TNK2: variants seen among roughly 807,000 people sequenced by gnomAD.
TNK2 encodes activated CDC42 kinase 1.
A neutral mutation model predicts 101.8 loss-of-function variants in TNK2; 83 were observed. The observed-to-expected ratio is 0.82, with a 90% CI of 0.68 to 0.98. The LOEUF is 0.98. Among genes scored for constraint, TNK2 ranks in the 50% least tolerant of loss-of-function variants. The pLI is 0.00. For synonymous variants in TNK2, 804 were observed against 633.0 expected (o/e 1.27, Z -4.06); for missense variants, 1,665 against 1,483.2 (o/e 1.12, Z -2.01).
At position 195,886,661 on chromosome 3, in the gene TNK2, G is replaced by A. The variant is rs182654931; in HGVS notation, c.234+316C>T. On this transcript the variant is annotated intron_variant, in intron 3 of 15. Coordinates refer to ENST00000672887, the MANE Select transcript of TNK2 (RefSeq NM_001382273.1). This position sits in a 1 kb window ranked among gnomAD's most constrained non-coding sequence, Gnocchi z 4.2. ...CCCCACGCTGGACACTGGCCCCAAC[G>A]CTCAGACACAGCAGGGCTAAGTTAA... Among the ~76,000 whole-genome samples the A allele has an allele frequency of 6.6e-6, 1 of 152,132 alleles. No individual in the cohort carries two copies. Among genetic ancestry groups the A allele is most frequent in the Admixed American group, 6.5e-5 (1 of 15,276 alleles).
rs1468532089 is a variant in TNK2 at position 195,888,212 on chromosome 3, C to T, written c.163+214G>A. ...GGGGCATGGAGTGACTCCTGTGTAG[C>T]CAGCTTTAGGGAAGGCCTCACTCTC... On this transcript the variant is annotated intron_variant, in intron 2 of 15. Coordinates refer to ENST00000672887, the MANE Select transcript of TNK2 (RefSeq NM_001382273.1). This position sits in a 1 kb window ranked among gnomAD's most constrained non-coding sequence, Gnocchi z 5.3. Among the ~76,000 whole-genome samples, 2 of 152,084 alleles carry T rather than the reference C, an allele frequency of 1.3e-5. No individual in the cohort carries two copies. Among genetic ancestry groups the T allele is most frequent in the East Asian group, 3.9e-4 (2 of 5,188 alleles).
intron 1 of TNK2, chr3:195,895,880 A>C: frequency 1.9e-5 from 3 of 154,986 alleles, no homozygotes; most frequent in South Asian, 2.0e-4. Flanking sequence ...TGCTCCCAGA[A>C]CGCCGGGCGC....
chr3:195,885,434 G>T lies in TNK2; in HGVS notation c.235-401C>A, dbSNP rs913822279. The T allele has an allele frequency of 7.5e-7, 1 of 1,328,274 alleles. No homozygotes were observed. The highest frequency in any genetic ancestry group is 9.9e-7 in the Non-Finnish European group (1 of 1,014,658). The allele number at this position is 1,328,274 out of a possible 1,614,324, so 82.3% of individuals were successfully genotyped here. On this transcript the variant is annotated intron_variant, in intron 3 of 15. Coordinates refer to ENST00000672887, the MANE Select transcript of TNK2 (RefSeq NM_001382273.1). The surrounding 1 kb of genome is among the most constrained non-coding windows in gnomAD (Gnocchi z 4.7). ...TAACCCGCATCGATGGAGCCGCAGG[G>T]GCCCTCCACAGACACCTCCTTGTCC...
chr3:195,868,761 A>G (rs13087251), intron 12 of TNK2, 52 bp from the exon 13 acceptor site: 1,115,554 of 1,497,468 alleles, frequency 0.74, 417,350 homozygotes, highest in East Asian at 0.94. Context: ...AGGGTCTGGG[A>G]CACGAGGGGA....
Position 195,882,475 on chromosome 3 carries a change from G to A in TNK2, c.610-147C>T, listed in dbSNP as rs1753609078. On this transcript the variant is annotated intron_variant, in intron 5 of 15. Transcript: ENST00000672887. This position sits in a 1 kb window ranked among gnomAD's most constrained non-coding sequence, Gnocchi z 4.2. ...TGGCCTGCTGTCTGGGGACCTCTAG[G>A]AGTCCTGCAGTTTCTCAGGCCTCTC... 6.5e-7 allele frequency: 1 copy of A among 1,545,078 alleles called. No homozygotes were observed. Among genetic ancestry groups the A allele is most frequent in the South Asian group, 1.2e-5 (1 of 83,416 alleles).
In TNK2 at chr3:195,878,652, G is replaced by A. The variant is rs1039749937; in HGVS notation, c.1015-60C>T. ...CAGAGCGCCCAGCCCTTCACTTCCC[G>A]CCTTCCCTCCAGCCCATCCACAGCT... is the stretch of plus-strand genomic sequence containing the variant. On this transcript the variant is annotated intron_variant, in intron 7 of 15. Transcript: ENST00000672887. The surrounding 1 kb of genome is among the most constrained non-coding windows in gnomAD (Gnocchi z 4.7). The A allele has an allele frequency of 2.9e-5, 45 of 1,575,386 alleles. No homozygotes were observed. The highest frequency in any genetic ancestry group is 4.6e-5 in the East Asian group (2 of 43,910).
Position 195,869,336 on chromosome 3 carries a change from G to T in TNK2, c.1588+161C>A, listed in dbSNP as rs376583721. The T allele has an allele frequency of 9.4e-4, 713 of 757,312 alleles. 12 individuals carry two copies. The African/African-American group carries it at 0.011, about 12-fold the overall frequency. The allele number at this position is 757,312 out of a possible 1,614,324, so 46.9% of individuals were successfully genotyped here. A position where few individuals can be genotyped will look rare whatever the true frequency, so the allele number is the denominator to read the frequency against. ...CCAGGCTCCGGGGGGCGGGCTCGAG[G>T]GGGGGCAGGCATGCTAGGCCAGGGC... On this transcript the variant is annotated intron_variant, in intron 12 of 15. Transcript: ENST00000672887.
chr3:195,867,912 G>T lies in TNK2; in HGVS notation c.2386C>A (p.Arg796=), dbSNP rs75030861. Residue 796 remains arginine, a synonymous_variant, in exon 13 of 16, where the codon CGG becomes AGG. Transcript: ENST00000672887. The part of the protein sequence containing the change: ...GPASPPRVPP[R]EPLSPQGSRT... Reference sequence around the variant, plus strand: ...GAGCCTTGAGGGGACAGGGGCTCCCGCGGAGGCACCCGGGGAGGGGAAGCA... The same window carrying T: ...GAGCCTTGAGGGGACAGGGGCTCCCTCGGAGGCACCCGGGGAGGGGAAGCA... The T allele has an allele frequency of 1.4e-5, 21 of 1,532,620 alleles. No individual in the cohort carries two copies. In the East Asian group the frequency reaches 4.1e-4, roughly 30 times the overall value. 94.9% of individuals were successfully genotyped at this position (1,532,620 alleles called of 1,614,324 possible). A position where few individuals can be genotyped will look rare whatever the true frequency, so the allele number is the denominator to read the frequency against.
rs1750779082 is a variant in TNK2, at chr3:195,878,699, G to C, written c.1015-107C>G. On this transcript the variant is annotated intron_variant, in intron 7 of 15. Transcript: ENST00000672887. The surrounding 1 kb of genome is among the most constrained non-coding windows in gnomAD (Gnocchi z 4.7). ...AGCTGCAGCGGCTGCTGCCATGCCTGGCCTCCAAAGAAGGGATCTGCCTGC... is the reference window on the plus strand; with the variant it reads ...AGCTGCAGCGGCTGCTGCCATGCCTCGCCTCCAAAGAAGGGATCTGCCTGC... 1.4e-6 allele frequency: 2 copies of C among 1,470,304 alleles called. No homozygotes were observed. The highest frequency in any genetic ancestry group is 1.8e-6 in the Non-Finnish European group (2 of 1,100,204). The allele number at this position is 1,470,304 out of a possible 1,614,324, so 91.1% of individuals were successfully genotyped here.
At position 195,868,724 on chromosome 3, in the gene TNK2, G is replaced by A. The variant is rs1180019940; in HGVS notation, c.1589-15C>T. ...ATAGGTTGGTTCTGTGATGGAAAGG[G>A]AGAGCCCAACAGGAAGGCAGTCAGG... On this transcript the variant is annotated splice_polypyrimidine_tract_variant and intron_variant, in intron 12 of 15. Coordinates refer to ENST00000672887, the MANE Select transcript of TNK2 (RefSeq NM_001382273.1). 3 of 1,537,700 alleles carry A rather than the reference G, an allele frequency of 2.0e-6. No individual in the cohort carries two copies. Among genetic ancestry groups the A allele is most frequent in the East Asian group, 4.8e-5 (2 of 41,284 alleles).
intron 1 of TNK2, among the ~76,000 whole-genome samples, chr3:195,890,250 G>A (rs1285862329): frequency 1.3e-5 from 2 of 152,136 alleles, no homozygotes; most frequent in Non-Finnish European, 2.9e-5. Flanking sequence ...GACAGTTCTG[G>A]TTGCCACAAC....
chr3:195,878,270 G>C lies in TNK2; in HGVS notation c.1239C>G (p.Ile413Met). ...CTCCCTACCTTCCCTCGATGACGGT[G>C]ATGACATCATTCATCTGGATGTGCA... ...DKLHIQMNDV[I>M]TVIEGRAENY... is the part of the protein sequence containing the mutation. Residue 413 changes from isoleucine (I) to methionine (M), a missense_variant, in exon 9 of 16, where the codon ATC becomes ATG. Physicochemically the swap from Ile to Met is conservative, Grantham distance 10. Transcript: ENST00000672887. The surrounding 1 kb of genome is among the most constrained non-coding windows in gnomAD (Gnocchi z 4.7). The C allele has an allele frequency of 6.2e-7, 1 of 1,613,982 alleles. No individual in the cohort carries two copies. The highest frequency in any genetic ancestry group is 8.5e-7 in the Non-Finnish European group (1 of 1,179,972).
At chr3:195,875,416 A>AGT (rs1748442470) in intron 9 of TNK2, among the ~76,000 whole-genome samples, 1 of 128,084 alleles carries the variant, frequency 7.8e-6, no homozygotes, top group African/African-American at 3.2e-5. Context: ...TCCGAGGCAC[A>AGT]AGAAGCTCCC....
rs964357150 is a variant in TNK2, at chr3:195,888,264, T to G, written c.163+162A>C. ...TCAAACTCCAATTCACCTTTATAACTGCCAACTGTTCTCATCACACATCAG... is the reference window on the plus strand; with the variant it reads ...TCAAACTCCAATTCACCTTTATAACGGCCAACTGTTCTCATCACACATCAG... On this transcript the variant is annotated intron_variant, in intron 2 of 15. Transcript: ENST00000672887. The surrounding 1 kb of genome is among the most constrained non-coding windows in gnomAD (Gnocchi z 5.3). Among the ~76,000 whole-genome samples the G allele has an allele frequency of 1.3e-5, 2 of 152,152 alleles. No individual in the cohort carries two copies. Among genetic ancestry groups the G allele is most frequent in the African/African-American group, 4.8e-5 (2 of 41,440 alleles).
intron 12 of TNK2, 165 bp downstream of exon 12, chr3:195,869,332 C>T (rs773288058): frequency 3.2e-5 from 24 of 740,100 alleles, no homozygotes; most frequent in East Asian, 1.1e-4. Context: ...GGGGCGGGCT[C>T]GAGGGGGGGC....
Position 195,873,537 on chromosome 3 carries a change from C to T in TNK2, c.1257-1067G>A, listed in dbSNP as rs371658390. Among the ~76,000 whole-genome samples, 39 of 150,582 alleles carry T rather than the reference C, an allele frequency of 2.6e-4. No individual in the cohort carries two copies. In the South Asian group the frequency reaches 7.4e-3, roughly 29 times the overall value. ...CAGCCCCGTGGGCAGAGTCTGGGCA[C>T]GCGGGGGCGGTGACAGCCCAGAGCT... On this transcript the variant is annotated intron_variant, in intron 9 of 15. Transcript: ENST00000672887.
At position 195,902,640 on chromosome 3, in the gene TNK2, CAA is replaced by C. The variant is rs1334474620; in HGVS notation, c.-19+5843_-19+5844del. Among the ~76,000 whole-genome samples, 2 of 109,128 alleles carry C rather than the reference CAA, an allele frequency of 1.8e-5. 1 individual carries two copies. Among genetic ancestry groups the C allele is most frequent in the Admixed American group, 1.7e-4 (2 of 11,766 alleles). The allele number at this position is 109,128 out of a possible 152,430, so 71.6% of individuals were successfully genotyped here. On this transcript the variant is annotated intron_variant, in intron 1 of 15. Transcript: ENST00000672887. ...CTCAAAAAAAAAAAACAAAAAAAAA[CAA>C]ACATAAAAAAAAAAAAAAACACCTC... is the stretch of plus-strand genomic sequence containing the variant.
rs751310823 is a variant in TNK2, at chr3:195,867,656, G to A, written c.2642C>T (p.Pro881Leu). The part of the protein sequence containing the change: ...STHYYLLPER[P>L]SYLERYQRFL... ...GCGCTGGTAGCGCTCCAGGTAGGAT[G>A]GTCGCTCGGGCAGCAAGTAATAGTG... The change falls in exon 13 of 16, where the codon CCA becomes CTA. Residue 881 changes from proline to leucine, a missense_variant. Pro to Leu is a moderately conservative substitution (Grantham distance 98). This residue lies in a region of TNK2 where 1,136 missense variants were observed against 894.9 expected (regional missense o/e 1.27). Transcript: ENST00000672887. The A allele has an allele frequency of 8.1e-6, 13 of 1,604,586 alleles. No individual in the cohort carries two copies. The highest frequency in any genetic ancestry group is 1.7e-5 in the Admixed American group (1 of 59,910).
intron 1 of TNK2, among the ~76,000 whole-genome samples, chr3:195,898,689 G>T (rs894137735): frequency 6.6e-6 from 1 of 152,118 alleles, no homozygotes; most frequent in African/African-American, 2.4e-5. Context: ...GCAGTGGTGT[G>T]ACCATGGCTC....
Sources: allele counts gnomAD v4.1 joint callset (sites outside exome capture counted in the v4.1 genomes callset), GRCh38; gene constraint gnomAD v4.1.1; regional missense constraint gnomAD v4.1.1; non-coding constraint Gnocchi (gnomAD v3.1); transcripts MANE v1.5; gene names NCBI Gene and HGNC (gene_info 2026-07-23, HGNC 2026-07-21).